EYS: variants seen among roughly 807,000 people sequenced by gnomAD.
The protein encoded by EYS is protein eyes shut homolog.
In EYS, 250 loss-of-function variants were observed where a neutral mutation model predicts 282.1. The observed-to-expected ratio is 0.89, with a 90% CI of 0.80 to 0.98. The LOEUF (loss-of-function observed/expected upper bound fraction) is 0.98, where lower values mean the gene tolerates loss of function less well. Ranked by LOEUF, EYS falls within the 50% of genes least tolerant of loss-of-function variation. The probability of loss-of-function intolerance (pLI) is 0.00; values close to 1 mark genes in which losing one functional copy is unlikely to be tolerated. For missense variants in EYS, 4,016 were observed against 3,709.0 expected (o/e 1.08, Z -2.15); for synonymous variants, 1,355 against 1,282.9 (o/e 1.06, Z -1.20).
chr6:64,182,326 G>C (rs1021821535), intron 31 of EYS, among the ~76,000 whole-genome samples: 1 of 151,756 alleles, frequency 6.6e-6, no homozygotes, highest in African/African-American at 2.4e-5. Flanking sequence ...AAATTATATT[G>C]CCTTCCTTTT....
intron 31 of EYS, among the ~76,000 whole-genome samples, chr6:64,084,541 T>C (rs1204383090): frequency 6.6e-6 from 1 of 152,164 alleles, no homozygotes; most frequent in Admixed American, 6.5e-5. Flanking sequence ...TATTAGGACA[T>C]AGTTTTACAA....
chr6:65,449,286 CG>C (rs1764313484), intron 5 of EYS, among the ~76,000 whole-genome samples: 1 of 152,052 alleles, frequency 6.6e-6, no homozygotes, highest in Admixed American at 6.6e-5. Flanking sequence ...ATAGCATAGA[CG>C]GCCAGTCATA....
intron 28 of EYS, among the ~76,000 whole-genome samples, chr6:64,433,059 GC>G (rs1460777634): frequency 1.3e-5 from 2 of 151,848 alleles, no homozygotes; most frequent in Non-Finnish European, 2.9e-5. Flanking sequence ...ATCCTGCTCT[GC>G]AGAACAGCTT....
intron 29 of EYS, among the ~76,000 whole-genome samples, chr6:64,310,069 T>A (rs71570671): frequency 0.72 from 103,854 of 144,886 alleles, 37,044 homozygotes; most frequent in African/African-American, 0.79. Flanking sequence ...GTAAAAAAAA[T>A]AAAAAAAAAA....
intron 36 of EYS, among the ~76,000 whole-genome samples, chr6:63,829,156 C>A (rs147190879): frequency 2.6e-5 from 4 of 152,170 alleles, no homozygotes; most frequent in African/African-American, 9.6e-5. Context: ...CACCTCTCAG[C>A]GTGAGCAATA....
At chr6:65,569,408 C>T (rs1325798828) in intron 2 of EYS, among the ~76,000 whole-genome samples, 1 of 152,140 alleles carries the variant, frequency 6.6e-6, no homozygotes. Context: ...ACACGGACAC[C>T]AGTGAAAATA....
At chr6:64,189,564 C>T (rs1326159326) in intron 31 of EYS, among the ~76,000 whole-genome samples, 2 of 152,176 alleles carry the variant, frequency 1.3e-5, no homozygotes, top group African/African-American at 2.4e-5. Flanking sequence ...TAGGTGTTGC[C>T]GTGAAGGTGT....
chr6:63,954,868 C>T (rs188467324), intron 35 of EYS, among the ~76,000 whole-genome samples: 246 of 152,276 alleles, frequency 1.6e-3, no homozygotes, highest in African/African-American at 5.8e-3. Flanking sequence ...TAGCCCAACT[C>T]TTAGAACCTC....
chr6:64,130,851 G>A (rs1051558938), intron 31 of EYS, among the ~76,000 whole-genome samples: 3 of 151,976 alleles, frequency 2.0e-5, no homozygotes, highest in Admixed American at 6.6e-5. Flanking sequence ...AGGCTGTGGC[G>A]GTGAACAGTG....
At chr6:65,490,846 C>T (rs1766016801) in intron 4 of EYS, 139 bp from the exon 5 acceptor site, 1 of 619,370 alleles carries the variant, frequency 1.6e-6, no homozygotes, top group Non-Finnish European at 2.9e-6. Context: ...TACGATGATG[C>T]ATTTAAATTG....
intron 33 of EYS, among the ~76,000 whole-genome samples, chr6:64,020,271 G>A (rs1769125224): frequency 6.6e-6 from 1 of 152,100 alleles, no homozygotes; most frequent in Non-Finnish European, 1.5e-5. Flanking sequence ...AATACCCTAA[G>A]TATCCTGACT....
At chr6:64,772,072 T>C (rs1012865982) in intron 22 of EYS, among the ~76,000 whole-genome samples, 4 of 151,882 alleles carry the variant, frequency 2.6e-5, no homozygotes, top group East Asian at 3.9e-4. Context: ...TCTTTCTTTT[T>C]TGGCATTTTC....
chr6:64,118,119 C>T (rs74859552), intron 31 of EYS, among the ~76,000 whole-genome samples: 6 of 152,014 alleles, frequency 3.9e-5, no homozygotes, highest in Non-Finnish European at 8.8e-5. Context: ...TGCATTTCCC[C>T]AGGTGACCTA....
chr6:64,301,116 T>C (rs1316913015), intron 30 of EYS, among the ~76,000 whole-genome samples: 3 of 152,214 alleles, frequency 2.0e-5, no homozygotes, highest in Non-Finnish European at 2.9e-5. Flanking sequence ...TGTCTCCTCC[T>C]TGGAAATATC....
At position 64,626,098 on chromosome 6, in the gene EYS, CTTA is replaced by C. The variant is rs1167810059; in HGVS notation, c.3568+20_3568+22del. The C allele has an allele frequency of 2.2e-6, 3 of 1,377,874 alleles. No individual in the cohort carries two copies. In the Admixed American group the frequency reaches 6.2e-5, roughly 29 times the overall value. 85.4% of individuals were successfully genotyped at this position (1,377,874 alleles called of 1,614,324 possible). A position where few individuals can be genotyped will look rare whatever the true frequency, so the allele number is the denominator to read the frequency against. ...TATATATTATTATATATGCAGTATG[CTTA>C]TTATTTTTAAAATAATTACCTGGTT... is the stretch of plus-strand genomic sequence containing the variant. On this transcript the variant is annotated intron_variant, in intron 23 of 42. Coordinates refer to ENST00000503581, the MANE Select transcript of EYS (RefSeq NM_001142800.2).
intron 22 of EYS, among the ~76,000 whole-genome samples, chr6:64,726,252 T>A (rs115935320): frequency 0.017 from 2,535 of 152,224 alleles, 65 homozygotes; most frequent in African/African-American, 0.057. Flanking sequence ...ATTATTTGGA[T>A]GTTATGATGT....
chr6:63,796,697 G>A (rs973020695), intron 37 of EYS, among the ~76,000 whole-genome samples: 5 of 152,110 alleles, frequency 3.3e-5, no homozygotes, highest in Non-Finnish European at 1.5e-5. Context: ...GGACATGAGC[G>A]TGTAATCTTG....
intron 22 of EYS, among the ~76,000 whole-genome samples, chr6:64,654,096 G>A (rs1235900935): frequency 6.6e-6 from 1 of 151,864 alleles, no homozygotes; most frequent in African/African-American, 2.4e-5. Flanking sequence ...TATAGTTTAT[G>A]CATTATTTGT....
intron 30 of EYS, among the ~76,000 whole-genome samples, chr6:64,238,772 T>A (rs1766692775): frequency 6.6e-6 from 1 of 152,210 alleles, no homozygotes; most frequent in Non-Finnish European, 1.5e-5. Flanking sequence ...TAAATTATAC[T>A]TTCAAGTTCT....
Sources: gnomAD v4.1 joint callset for allele counts (sites outside exome capture counted in the v4.1 genomes callset) on GRCh38, gnomAD v4.1.1 for gene constraint, MANE v1.5 for transcripts, NCBI Gene and HGNC (gene_info 2026-07-23, HGNC 2026-07-21) for gene names.